The following RBM26 variants were observed in gnomAD, a reference collection of about 807,000 sequenced individuals.
RBM26 encodes RNA binding motif protein 26.
Under a neutral mutation model 123.6 loss-of-function variants are expected in RBM26, and 30 were observed. That is an observed-to-expected ratio of 0.24 (90% CI 0.18 to 0.33). The LOEUF (loss-of-function observed/expected upper bound fraction) is 0.33. Among genes scored for constraint, RBM26 ranks in the 10% least tolerant of loss-of-function variants. The pLI, the probability that RBM26 is intolerant of heterozygous loss-of-function variation, is 1.00. For missense variants in RBM26, 947 were observed against 1,203.6 expected (o/e 0.79, Z 3.15); for synonymous variants, 400 against 404.4 (o/e 0.99, Z 0.13).
In RBM26 at chr13:79,386,496, G is replaced by C. The variant is rs546031131; in HGVS notation, c.72-7589C>G. Reference sequence around the variant, plus strand: ...CAAAACCAAAGTAAAAGTTTGTACTGTTCAGTGCAAACAGCAGCAGCCCAA... The same window carrying C: ...CAAAACCAAAGTAAAAGTTTGTACTCTTCAGTGCAAACAGCAGCAGCCCAA... On this transcript the variant is annotated intron_variant, in intron 1 of 21. Coordinates refer to ENST00000438737, the MANE Select transcript of RBM26 (RefSeq NM_001366735.2). Among the ~76,000 whole-genome samples, 2 of 146,142 alleles carry C rather than the reference G, an allele frequency of 1.4e-5. 1 individual carries two copies. Among genetic ancestry groups the C allele is most frequent in the Admixed American group, 1.4e-4 (2 of 14,010 alleles).
intron 14 of RBM26, among the ~76,000 whole-genome samples, chr13:79,351,429 C>T (rs9318625): frequency 0.5 from 76,618 of 151,730 alleles, 19,739 homozygotes; most frequent in Middle Eastern, 0.59. Flanking sequence ...TTATTTTCAA[C>T]GAGGATAAAC....
intron 1 of RBM26, among the ~76,000 whole-genome samples, chr13:79,395,085 C>A (rs2078439306): frequency 6.6e-6 from 1 of 152,128 alleles, no homozygotes; most frequent in South Asian, 2.1e-4. Context: ...AAAGGCATGC[C>A]CCCTTACTGA....
At chr13:79,326,269 GC>G (rs1420109043) in intron 20 of RBM26, among the ~76,000 whole-genome samples, 1 of 152,174 alleles carries the variant, frequency 6.6e-6, no homozygotes. Flanking sequence ...TTTAAAGTAT[GC>G]TATGGCAGTG....
At chr13:79,326,148 C>T (rs2068376042) in intron 20 of RBM26, among the ~76,000 whole-genome samples, 1 of 152,202 alleles carries the variant, frequency 6.6e-6, no homozygotes, top group South Asian at 2.1e-4. Flanking sequence ...TCATATCCCT[C>T]TTAAGTGGCA....
chr13:79,381,434 T>TAAC (rs1361987825), intron 1 of RBM26, among the ~76,000 whole-genome samples: 1 of 7,942 alleles, frequency 1.3e-4, no homozygotes, highest in Non-Finnish European at 4.4e-4. Context: ...TTATGATACA[T>TAAC]AATAATATTA....
chr13:79,357,944 G>A lies in RBM26; in HGVS notation c.1689+330C>T, dbSNP rs113334922. Among the ~76,000 whole-genome samples the A allele has an allele frequency of 8.8e-5, 13 of 147,696 alleles. 2 individuals are homozygous for A. Among genetic ancestry groups the A allele is most frequent in the East Asian group, 4.0e-4 (2 of 5,024 alleles). On this transcript the variant is annotated intron_variant, in intron 11 of 21. Transcript: ENST00000438737. ...GTCACCCAGGCTGGAGTGCAGTGGC[G>A]CAATCTCGGCTCGCTGCAACCTTAG...
intron 20 of RBM26, among the ~76,000 whole-genome samples, chr13:79,325,130 A>G (rs553375195): frequency 6.6e-6 from 1 of 152,146 alleles, no homozygotes; most frequent in Admixed American, 6.6e-5. Context: ...CAGTCATATA[A>G]AAGTATGGCA....
At chr13:79,374,167 T>G (rs1315158161) in intron 3 of RBM26, among the ~76,000 whole-genome samples, 1 of 151,864 alleles carries the variant, frequency 6.6e-6, no homozygotes, top group Admixed American at 6.6e-5. Context: ...GGCTTCTGAC[T>G]GTCAGAATGT....
chr13:79,343,875 T>C (rs1283515459), intron 16 of RBM26, among the ~76,000 whole-genome samples: 1 of 151,946 alleles, frequency 6.6e-6, no homozygotes, highest in African/African-American at 2.4e-5. Flanking sequence ...CAGATGTGGC[T>C]ATAGACAGTC....
chr13:79,374,339 C>T (rs372048828), intron 3 of RBM26, among the ~76,000 whole-genome samples: 4 of 151,922 alleles, frequency 2.6e-5, no homozygotes, highest in South Asian at 2.1e-4. Flanking sequence ...CATGGTGGCA[C>T]GCGCCTGTAA....
chr13:79,355,506 G>T, intron 11 of RBM26, 122 bp from the exon 12 acceptor site: 1 of 680,898 alleles, frequency 1.5e-6, no homozygotes, highest in Non-Finnish European at 2.4e-6. Context: ...ATACTTCTTG[G>T]TATCTGGATT....
chr13:79,339,144 G>A (rs1257290194), intron 18 of RBM26, among the ~76,000 whole-genome samples: 1 of 152,148 alleles, frequency 6.6e-6, no homozygotes, highest in Non-Finnish European at 1.5e-5. Flanking sequence ...ATAATGCCAA[G>A]TGAAATAAGC....
intron 1 of RBM26, among the ~76,000 whole-genome samples, chr13:79,383,965 C>T (rs1295163844): frequency 6.6e-6 from 1 of 152,100 alleles, no homozygotes; most frequent in Non-Finnish European, 1.5e-5. Context: ...TTAAAAAGCC[C>T]AGGCCAAGGG....
chr13:79,389,816 T>A (rs1289393195), intron 1 of RBM26, among the ~76,000 whole-genome samples: 1 of 152,154 alleles, frequency 6.6e-6, no homozygotes, highest in African/African-American at 2.4e-5. Flanking sequence ...TAAGCTTTTT[T>A]CCCCTAAAAA....
intron 20 of RBM26, among the ~76,000 whole-genome samples, chr13:79,324,785 AAG>A (rs2068126656): frequency 6.6e-6 from 1 of 152,034 alleles, no homozygotes; most frequent in Non-Finnish European, 1.5e-5. Context: ...GTATTAAAAA[AAG>A]AAAAAAAATT....
chr13:79,337,378 G>A, intron 18 of RBM26, 76 bp from the exon 19 acceptor site: 6 of 1,503,524 alleles, frequency 4.0e-6, no homozygotes, highest in Non-Finnish European at 5.5e-6. Flanking sequence ...TCTGGCAGAT[G>A]AATAAAACTT....
chr13:79,331,160 G>A (rs1261961862), intron 20 of RBM26, among the ~76,000 whole-genome samples: 4 of 152,170 alleles, frequency 2.6e-5, no homozygotes, highest in African/African-American at 2.4e-5. Flanking sequence ...GCAGGTGCAC[G>A]CCACCACACC....
At chr13:79,353,461 C>CG (rs2073550659) in intron 13 of RBM26, among the ~76,000 whole-genome samples, 1 of 152,076 alleles carries the variant, frequency 6.6e-6, no homozygotes, top group Non-Finnish European at 1.5e-5. Flanking sequence ...GTCTGAGCCA[C>CG]GTGGTTGCTA....
At chr13:79,354,027 C>T (rs2073647031) in intron 13 of RBM26, among the ~76,000 whole-genome samples, 1 of 152,112 alleles carries the variant, frequency 6.6e-6, no homozygotes, top group South Asian at 2.1e-4. Context: ...CCTTCCCTTA[C>T]CATAAGCTTT....
Sources: gnomAD v4.1 joint callset for allele counts (sites outside exome capture counted in the v4.1 genomes callset) on GRCh38, gnomAD v4.1.1 for gene constraint, MANE v1.5 for transcripts, NCBI Gene and HGNC (gene_info 2026-07-23, HGNC 2026-07-21) for gene names.